EAF2: variants seen among roughly 807,000 people sequenced by gnomAD.
EAF2 encodes the protein ELL-associated factor 2.
In EAF2, 29 loss-of-function variants were observed where a neutral mutation model predicts 29.4. The observed-to-expected ratio is 0.99, with a 90% CI of 0.73 to 1.35. The LOEUF is 1.35. Ranked by LOEUF, EAF2 falls within the 40% of genes most tolerant of loss-of-function variation. The probability of loss-of-function intolerance (pLI) is 0.00; values close to 1 mark genes in which losing one functional copy is unlikely to be tolerated. For synonymous variants in EAF2, 103 were observed against 102.5 expected (o/e 1.00, Z -0.03); for missense variants, 292 against 312.0 (o/e 0.94, Z 0.48).
At chr3:121,879,138 T>C (rs1330464735) in intron 5 of EAF2, among the ~76,000 whole-genome samples, 1 of 152,230 alleles carries the variant, frequency 6.6e-6, no homozygotes, top group African/African-American at 2.4e-5. Context: ...TTTTTTCATA[T>C]GCCTGTGGGC....
At chr3:121,883,740 G>C (rs962817225) in intron 5 of EAF2, among the ~76,000 whole-genome samples, 1 of 152,190 alleles carries the variant, frequency 6.6e-6, no homozygotes, top group African/African-American at 2.4e-5. Flanking sequence ...ACTACTCTCA[G>C]TGATAACTAT....
intron 1 of EAF2, among the ~76,000 whole-genome samples, chr3:121,838,455 T>C (rs1367785775): frequency 2.6e-5 from 4 of 152,206 alleles, no homozygotes; most frequent in Admixed American, 6.5e-5. Flanking sequence ...TCGGAAGTTA[T>C]ATACTTTTAA....
intron 2 of EAF2, among the ~76,000 whole-genome samples, chr3:121,846,760 C>T (rs183155650): frequency 6.6e-5 from 10 of 151,706 alleles, no homozygotes; most frequent in Non-Finnish European, 1.0e-4. Flanking sequence ...TCTCAAGTTG[C>T]CATCCTCCCA....
intron 4 of EAF2, among the ~76,000 whole-genome samples, chr3:121,859,579 A>G (rs1222954702): frequency 3.3e-5 from 5 of 152,106 alleles, no homozygotes; most frequent in African/African-American, 9.7e-5. Context: ...GGCTGAGACA[A>G]TGGGGTTTTC....
intron 5 of EAF2, among the ~76,000 whole-genome samples, chr3:121,882,627 T>C (rs982732250): frequency 3.3e-5 from 5 of 152,080 alleles, no homozygotes; most frequent in African/African-American, 1.2e-4. Context: ...ATACTCTTAA[T>C]TTGTAGGAAT....
intron 5 of EAF2, among the ~76,000 whole-genome samples, chr3:121,886,111 G>C (rs1263205693): frequency 6.6e-6 from 1 of 152,026 alleles, no homozygotes; most frequent in African/African-American, 2.4e-5. Flanking sequence ...TGTGAAAGAA[G>C]ACTAAAATAG....
At chr3:121,881,958 A>G (rs1180288201) in intron 5 of EAF2, among the ~76,000 whole-genome samples, 4 of 152,192 alleles carry the variant, frequency 2.6e-5, no homozygotes, top group Non-Finnish European at 4.4e-5. Context: ...AATGGTATCA[A>G]TCTAATTCAC....
At chr3:121,865,378 A>G (rs1053111520) in intron 4 of EAF2, among the ~76,000 whole-genome samples, 3 of 152,248 alleles carry the variant, frequency 2.0e-5, no homozygotes, top group South Asian at 4.1e-4. Context: ...TTTGTATAAC[A>G]TATTCCTTAG....
At chr3:121,883,158 G>C (rs1460154373) in intron 5 of EAF2, among the ~76,000 whole-genome samples, 1 of 152,002 alleles carries the variant, frequency 6.6e-6, no homozygotes, top group Non-Finnish European at 1.5e-5. Flanking sequence ...CATAGATTTG[G>C]ATTTAAGAAA....
chr3:121,879,955 C>G (rs1178893354), intron 5 of EAF2, among the ~76,000 whole-genome samples: 1 of 152,026 alleles, frequency 6.6e-6, no homozygotes, highest in East Asian at 1.9e-4. Flanking sequence ...TGCATTGGAT[C>G]TGTAGATTGC....
chr3:121,868,460 A>T (rs1194657827), intron 4 of EAF2, among the ~76,000 whole-genome samples: 1 of 152,104 alleles, frequency 6.6e-6, no homozygotes, highest in African/African-American at 2.4e-5. Flanking sequence ...TTAGCCAAGC[A>T]CGGTGGCACG....
At chr3:121,852,501 A>G (rs771185351) in intron 2 of EAF2, among the ~76,000 whole-genome samples, 2 of 152,180 alleles carry the variant, frequency 1.3e-5, no homozygotes, top group Non-Finnish European at 2.9e-5. Context: ...CGTGTTGTGC[A>G]TTCTTGATTT....
chr3:121,848,365 AATGGAAAT>A (rs897565406), intron 2 of EAF2, among the ~76,000 whole-genome samples: 13 of 152,186 alleles, frequency 8.5e-5, no homozygotes, highest in African/African-American at 3.1e-4. Context: ...TAAGTAATTC[AATGGAAAT>A]ATACTTTGCT....
chr3:121,873,447 G>C (rs1203932264), intron 5 of EAF2, among the ~76,000 whole-genome samples: 5 of 151,660 alleles, frequency 3.3e-5, no homozygotes. Context: ...CTGCTTCTCT[G>C]CATCTCCACC....
At chr3:121,859,252 A>G (rs1262015303) in intron 4 of EAF2, among the ~76,000 whole-genome samples, 1 of 152,198 alleles carries the variant, frequency 6.6e-6, no homozygotes, top group Non-Finnish European at 1.5e-5. Context: ...TCTATAAATT[A>G]CCTTGGACAG....
At chr3:121,852,669 A>C (rs1370113695) in intron 2 of EAF2, among the ~76,000 whole-genome samples, 1 of 152,140 alleles carries the variant, frequency 6.6e-6, no homozygotes, top group African/African-American at 2.4e-5. Context: ...TACTCCTCCT[A>C]GTGCTCATTT....
intron 2 of EAF2, among the ~76,000 whole-genome samples, chr3:121,852,814 T>C (rs947378995): frequency 6.6e-6 from 1 of 152,174 alleles, no homozygotes; most frequent in Non-Finnish European, 1.5e-5. Flanking sequence ...ATAAATCCAT[T>C]AAAATTTAAT....
chr3:121,836,304 T>G lies in EAF2; in HGVS notation c.106+913T>G, dbSNP rs1037619000. On this transcript the variant is annotated intron_variant, in intron 1 of 5. Transcript: ENST00000273668. ...TCCCCAGCCTTGCCCTTCCTTAATA[T>G]CTCATCATTCCGCCTTTCTCAGTCA... 13 of 152,332 alleles carry G rather than the reference T, an allele frequency of 8.5e-5. No individual in the cohort carries two copies. The East Asian group carries it at 2.5e-3, about 29-fold the overall frequency. 9.4% of individuals were successfully genotyped at this position (152,332 alleles called of 1,614,324 possible).
intron 4 of EAF2, among the ~76,000 whole-genome samples, chr3:121,865,969 C>T (rs896300927): frequency 2.4e-4 from 36 of 152,178 alleles, no homozygotes; most frequent in African/African-American, 8.7e-4. Context: ...ATTCTTCTCT[C>T]TCATCTAAAG....
Sources: allele counts gnomAD v4.1 joint callset (sites outside exome capture counted in the v4.1 genomes callset), GRCh38; gene constraint gnomAD v4.1.1; transcripts MANE v1.5; gene names NCBI Gene and HGNC (gene_info 2026-07-23, HGNC 2026-07-21).